Variants in GRID2 observed in about 807,000 individuals in gnomAD.
The protein encoded by GRID2 is glutamate receptor ionotropic, delta-2.
In GRID2, 33 loss-of-function variants were observed where a neutral mutation model predicts 114.8. The observed-to-expected ratio is 0.29, with a 90% CI of 0.22 to 0.38. The LOEUF is 0.38. GRID2 is among the 10% of genes least tolerant of loss of function. The pLI is 1.00. For synonymous variants in GRID2, 505 were observed against 449.9 expected, an observed-to-expected ratio of 1.12 and a Z score of -1.55; for missense variants, 1,184 against 1,257.7, an observed-to-expected ratio of 0.94 and a Z score of 0.89.
rs577086687 is a variant in GRID2, at chr4:93,486,253, T to C, written c.1859-4386T>C. On this transcript the variant is annotated intron_variant, in intron 11 of 15. Transcript: ENST00000282020. ...TTATTAATTTTAGTAATTTATCCTT[T>C]GTTCTCTTAGATTTTCTACATACAT... Among the ~76,000 whole-genome samples, 10 of 151,774 alleles carry C rather than the reference T, an allele frequency of 6.6e-5. No individual in the cohort carries two copies. In the East Asian group the frequency reaches 1.9e-3, roughly 30 times the overall value.
At chr4:93,649,789 T>C (rs1219680925) in intron 14 of GRID2, among the ~76,000 whole-genome samples, 1 of 152,162 alleles carries the variant, frequency 6.6e-6, no homozygotes, top group East Asian at 1.9e-4. Context: ...GATTTCCCTA[T>C]TATCAGTCTT....
intron 9 of GRID2, among the ~76,000 whole-genome samples, chr4:93,416,443 T>C (rs1329575064): frequency 6.6e-6 from 1 of 152,078 alleles, no homozygotes; most frequent in African/African-American, 2.4e-5. Flanking sequence ...AAATAGTCTC[T>C]TTTTTCTTTA....
intron 1 of GRID2, among the ~76,000 whole-genome samples, chr4:92,502,184 T>C (rs1723717123): frequency 6.6e-6 from 1 of 152,136 alleles, no homozygotes. Context: ...TTTTAACATA[T>C]ATTTCTATTG....
chr4:93,040,444 C>A (rs1466488930), intron 2 of GRID2, among the ~76,000 whole-genome samples: 1 of 152,064 alleles, frequency 6.6e-6, no homozygotes, highest in Admixed American at 6.6e-5. Flanking sequence ...TGAAGTTTAA[C>A]AAGATTTAAT....
rs1185719287 is a variant in GRID2, at chr4:93,699,637, T to G, written c.2361-69573T>G. Among the ~76,000 whole-genome samples, 6 of 152,084 alleles carry G rather than the reference T, an allele frequency of 3.9e-5. No homozygotes were observed. The South Asian group carries it at 1.0e-3, about 26-fold the overall frequency. On this transcript the variant is annotated intron_variant, in intron 14 of 15. Coordinates refer to ENST00000282020, the MANE Select transcript of GRID2 (RefSeq NM_001510.4). ...CAGGTTTTTCTAAGCCAAAAGCCCT[T>G]TATAGTTCTGTCTTCAGTTGTGTGA...
At chr4:93,074,058 A>G (rs961209382) in intron 2 of GRID2, among the ~76,000 whole-genome samples, 12 of 152,354 alleles carry the variant, frequency 7.9e-5, no homozygotes, top group Non-Finnish European at 1.3e-4. Flanking sequence ...GGAGAAAAAG[A>G]AACACTGAGG....
chr4:92,636,656 A>AT (rs1731080234), intron 2 of GRID2, among the ~76,000 whole-genome samples: 1 of 151,986 alleles, frequency 6.6e-6, no homozygotes, highest in Admixed American at 6.6e-5. Flanking sequence ...ATACTGTGAA[A>AT]TGGTGACATG....
chr4:93,216,018 C>T (rs1031090454), intron 5 of GRID2, among the ~76,000 whole-genome samples: 8 of 151,964 alleles, frequency 5.3e-5, no homozygotes, highest in Non-Finnish European at 1.0e-4. Context: ...CACTTTTATC[C>T]TAATTCCATT....
intron 14 of GRID2, among the ~76,000 whole-genome samples, chr4:93,711,068 GTGTC>G (rs1728436984): frequency 6.6e-6 from 1 of 152,130 alleles, no homozygotes; most frequent in South Asian, 2.1e-4. Context: ...TTAATTTACT[GTGTC>G]TGAGATGGTG....
chr4:93,146,692 C>T (rs1015127404), intron 4 of GRID2, among the ~76,000 whole-genome samples: 15 of 64,256 alleles, frequency 2.3e-4, no homozygotes, highest in Non-Finnish European at 1.7e-4. Flanking sequence ...CTACAGGTAC[C>T]TAAGTGATTT....
intron 14 of GRID2, among the ~76,000 whole-genome samples, chr4:93,745,483 A>G: frequency 6.6e-6 from 1 of 152,122 alleles, no homozygotes. Context: ...TGTTTATGTC[A>G]GTGGGGATGA....
intron 13 of GRID2, among the ~76,000 whole-genome samples, chr4:93,585,173 ATTGAGT>A (rs767788697): frequency 3.9e-5 from 6 of 151,924 alleles, no homozygotes; most frequent in Non-Finnish European, 7.4e-5. Context: ...AATTTCTTTG[ATTGAGT>A]TTATTTTCAG....
chr4:92,548,682 G>A (rs578043594), intron 1 of GRID2, among the ~76,000 whole-genome samples: 13 of 151,832 alleles, frequency 8.6e-5, no homozygotes, highest in South Asian at 8.3e-4. Flanking sequence ...GAGTGGCCAC[G>A]ACGCCTGGCT....
intron 1 of GRID2, among the ~76,000 whole-genome samples, chr4:92,389,228 A>G (rs780657086): frequency 2.0e-5 from 3 of 152,078 alleles, no homozygotes; most frequent in Admixed American, 6.6e-5. Context: ...TATTGAAATT[A>G]TGGTTTATTA....
chr4:92,589,839 T>C (rs1226403703), intron 1 of GRID2, among the ~76,000 whole-genome samples: 1 of 152,186 alleles, frequency 6.6e-6, no homozygotes, highest in Non-Finnish European at 1.5e-5. Context: ...ATATCCAATG[T>C]ATTGGATACT....
chr4:93,053,642 A>C (rs1291154556), intron 2 of GRID2, among the ~76,000 whole-genome samples: 1 of 152,152 alleles, frequency 6.6e-6, no homozygotes, highest in East Asian at 1.9e-4. Context: ...ATATTTGCAT[A>C]GCTAAAGAGA....
chr4:92,699,244 G>A (rs1734557732), intron 2 of GRID2, among the ~76,000 whole-genome samples: 1 of 152,078 alleles, frequency 6.6e-6, no homozygotes, highest in Admixed American at 6.5e-5. Context: ...GATCAGACTG[G>A]CCAGTTGGAT....
chr4:93,300,829 G>T (rs539864939), intron 8 of GRID2, among the ~76,000 whole-genome samples: 6 of 152,292 alleles, frequency 3.9e-5, no homozygotes, highest in African/African-American at 1.4e-4. Context: ...TCACATGAAA[G>T]TGTTGTGATT....
intron 7 of GRID2, among the ~76,000 whole-genome samples, chr4:93,225,026 G>T (rs746115077): frequency 1.3e-5 from 2 of 152,142 alleles, no homozygotes; most frequent in African/African-American, 2.4e-5. Flanking sequence ...ACTTGACTAT[G>T]TCATTAGCAT....
Sources: allele counts gnomAD v4.1 joint callset (sites outside exome capture counted in the v4.1 genomes callset), GRCh38; gene constraint gnomAD v4.1.1; transcripts MANE v1.5; gene names NCBI Gene and HGNC (gene_info 2026-07-23, HGNC 2026-07-21).